The following CELF4 variants were observed in gnomAD, a reference collection of about 807,000 sequenced individuals.
CELF4 encodes CUGBP Elav-like family member 4.
Under a neutral mutation model 59.9 loss-of-function variants are expected in CELF4, and 18 were observed. That is an observed-to-expected ratio of 0.30 (90% confidence interval 0.21 to 0.45). The LOEUF (loss-of-function observed/expected upper bound fraction) is 0.45. Ranked by LOEUF, CELF4 falls within the 20% of genes least tolerant of loss-of-function variation. CELF4 has a pLI of 1.00. For missense variants in CELF4, 456 were observed against 689.0 expected (o/e 0.66, Z 3.79); for synonymous variants, 261 against 267.1 (o/e 0.98, Z 0.22).
intron 2 of CELF4, among the ~76,000 whole-genome samples, chr18:37,398,366 A>G (rs968325740): frequency 2.0e-5 from 3 of 152,184 alleles, no homozygotes; most frequent in African/African-American, 4.8e-5. Context: ...ATTGTGGACA[A>G]TGACCTTTAG....
chr18:37,545,562 A>T (rs2099980905), intron 1 of CELF4, among the ~76,000 whole-genome samples: 1 of 152,186 alleles, frequency 6.6e-6, no homozygotes, highest in Non-Finnish European at 1.5e-5. Context: ...ATTTAGCCAG[A>T]CAGCATCTCC....
intron 3 of CELF4, among the ~76,000 whole-genome samples, chr18:37,320,098 G>T (rs1175855845): frequency 1.3e-5 from 2 of 151,702 alleles, no homozygotes; most frequent in African/African-American, 4.8e-5. Context: ...AGCACTTTGG[G>T]AGGCCGAGGC....
intron 1 of CELF4, among the ~76,000 whole-genome samples, chr18:37,520,423 G>A (rs1270943821): frequency 6.6e-6 from 1 of 152,208 alleles, no homozygotes; most frequent in African/African-American, 2.4e-5. Flanking sequence ...GGCACTGTTT[G>A]ACCAAGCTTT....
chr18:37,315,729 C>T (rs2096845294), intron 3 of CELF4, among the ~76,000 whole-genome samples: 1 of 152,184 alleles, frequency 6.6e-6, no homozygotes, highest in African/African-American at 2.4e-5. Context: ...AACGTCCTCC[C>T]CAGGGACACA....
intron 2 of CELF4, among the ~76,000 whole-genome samples, chr18:37,470,877 T>TGACAGA (rs1569569550): frequency 1.0e-5 from 1 of 96,996 alleles, no homozygotes; most frequent in Non-Finnish European, 2.1e-5. Context: ...TGTGTGTGTG[T>TGACAGA]GTGTGTGTGT....
At chr18:37,458,032 A>G (rs2099783353) in intron 2 of CELF4, among the ~76,000 whole-genome samples, 1 of 152,132 alleles carries the variant, frequency 6.6e-6, no homozygotes, top group Non-Finnish European at 1.5e-5. Flanking sequence ...TTTCGTTCCA[A>G]TAAGGGTCAT....
chr18:37,419,389 G>C (rs193068081), intron 2 of CELF4, among the ~76,000 whole-genome samples: 3 of 152,314 alleles, frequency 2.0e-5, no homozygotes, highest in South Asian at 2.1e-4. Flanking sequence ...CTGTGAGTCA[G>C]GAAAAGACGC....
At chr18:37,256,221 T>A (rs540150458) in intron 11 of CELF4, among the ~76,000 whole-genome samples, 1 of 152,208 alleles carries the variant, frequency 6.6e-6, no homozygotes, top group South Asian at 2.1e-4. Flanking sequence ...GCAGATAGAA[T>A]CCCCCTATGG....
At position 37,253,805 on chromosome 18, in the gene CELF4, C is replaced by T. The variant is rs1414929631; in HGVS notation, c.*6G>A. The T allele has an allele frequency of 3.8e-6, 6 of 1,595,438 alleles. No homozygotes were observed. Among genetic ancestry groups the T allele is most frequent in the Admixed American group, 1.7e-5 (1 of 58,988 alleles). ...GGTCTCCCCCGGGGGACGCTCCCGC[C>T]GGCGCTCAGTACGGGCGATTGGCGT... On this transcript the variant is annotated 3_prime_UTR_variant, in exon 12 of 13. Coordinates refer to ENST00000420428, the MANE Select transcript of CELF4 (RefSeq NM_020180.4). The surrounding 1 kb of genome is among the most constrained non-coding windows in gnomAD (Gnocchi z 4.5).
At chr18:37,485,008 A>G (rs954245224) in intron 2 of CELF4, among the ~76,000 whole-genome samples, 3 of 152,158 alleles carry the variant, frequency 2.0e-5, no homozygotes, top group African/African-American at 7.2e-5. Flanking sequence ...GCCATGGCTG[A>G]TATCACACCC....
At chr18:37,535,319 T>C (rs1190880984) in intron 1 of CELF4, among the ~76,000 whole-genome samples, 2 of 152,230 alleles carry the variant, frequency 1.3e-5, no homozygotes, top group Non-Finnish European at 2.9e-5. Flanking sequence ...TTTGTTGTTT[T>C]TCCTAGTCAG....
At chr18:37,537,984 G>C (rs1336122393) in intron 1 of CELF4, among the ~76,000 whole-genome samples, 1 of 152,260 alleles carries the variant, frequency 6.6e-6, no homozygotes, top group East Asian at 1.9e-4. Context: ...GTGCCCCGGA[G>C]AGTCCCAGGC....
Position 37,514,751 on chromosome 18 carries a change from C to T in CELF4, c.287-29144G>A, listed in dbSNP as rs528109088. 5.3e-5 allele frequency among the ~76,000 whole-genome samples: 8 copies of T among 152,162 alleles called. No homozygotes were observed. In the East Asian group the frequency reaches 7.7e-4, roughly 15 times the overall value. On this transcript the variant is annotated intron_variant, in intron 1 of 12. Coordinates refer to ENST00000420428, the MANE Select transcript of CELF4 (RefSeq NM_020180.4). ...TTTTCAATATATGATTTTTCCCCCT[C>T]TCCTTTGAAAATCCACATATCTATT...
intron 7 of CELF4, 34 bp downstream of exon 7, chr18:37,272,981 CG>C: frequency 6.3e-7 from 1 of 1,582,564 alleles, no homozygotes; most frequent in Non-Finnish European, 8.6e-7. Context: ...GTTCTCCCAC[CG>C]GGCCAGACCG....
intron 2 of CELF4, among the ~76,000 whole-genome samples, chr18:37,366,508 GCCCGACTCAGACCCCATTCTTC>G (rs2098785781): frequency 6.6e-6 from 1 of 152,174 alleles, no homozygotes; most frequent in South Asian, 2.1e-4. Flanking sequence ...GCTGCAGTGT[GCCCGACTCAGACCCCATTCTTC>G]CCCACACTCC....
At chr18:37,252,398 G>A (rs2066039633) in intron 12 of CELF4, among the ~76,000 whole-genome samples, 1 of 151,946 alleles carries the variant, frequency 6.6e-6, no homozygotes, top group African/African-American at 2.4e-5. Flanking sequence ...ACAGAAGCCA[G>A]GGTGACCCCA....
intron 1 of CELF4, among the ~76,000 whole-genome samples, chr18:37,556,964 C>A (rs1014599569): frequency 6.6e-6 from 1 of 152,116 alleles, no homozygotes; most frequent in Non-Finnish European, 1.5e-5. Flanking sequence ...GAAGTGGCTT[C>A]TTTAGGTACT....
chr18:37,530,654 G>A (rs1220294678), intron 1 of CELF4, among the ~76,000 whole-genome samples: 1 of 152,054 alleles, frequency 6.6e-6, no homozygotes, highest in African/African-American at 2.4e-5. Flanking sequence ...GCTTTCTGGG[G>A]TGGCCACTTT....
At chr18:37,376,253 T>G (rs1400894473) in intron 2 of CELF4, among the ~76,000 whole-genome samples, 1 of 152,120 alleles carries the variant, frequency 6.6e-6, no homozygotes, top group Non-Finnish European at 1.5e-5. Flanking sequence ...TTGGGCCATC[T>G]ACCTTTCAAG....
Sources: gnomAD v4.1 joint callset for allele counts (sites outside exome capture counted in the v4.1 genomes callset) on GRCh38, gnomAD v4.1.1 for gene constraint, Gnocchi (gnomAD v3.1) non-coding constraint, MANE v1.5 for transcripts, NCBI Gene and HGNC (gene_info 2026-07-23, HGNC 2026-07-21) for gene names.